The following NRG3 variants were observed in gnomAD, a reference collection of about 807,000 sequenced individuals.
NRG3 encodes neuregulin 3.
A neutral mutation model predicts 66.9 loss-of-function variants in NRG3; 31 were observed. The observed-to-expected ratio is 0.46, with a 90% CI of 0.35 to 0.63. NRG3 has a LOEUF of 0.63. Among genes scored for constraint, NRG3 ranks in the 20% least tolerant of loss-of-function variants. The probability of loss-of-function intolerance (pLI) is 0.00; values close to 1 mark genes in which losing one functional copy is unlikely to be tolerated. For synonymous variants in NRG3, 393 were observed against 359.4 expected (o/e 1.09, Z -1.06); for missense variants, 910 against 878.9 (o/e 1.04, Z -0.45).
intron 3 of NRG3, among the ~76,000 whole-genome samples, chr10:82,759,060 G>A (rs1005927532): frequency 9.9e-5 from 15 of 152,092 alleles, no homozygotes; most frequent in Admixed American, 6.6e-4. Flanking sequence ...CCTAGTGAGA[G>A]ATGTTTGGGC....
At chr10:82,660,195 TCAAAAAAAAAAAAAAAAAAAA>T (rs2052223456) in intron 2 of NRG3, among the ~76,000 whole-genome samples, 1 of 5,704 alleles carries the variant, frequency 1.8e-4, no homozygotes, top group Non-Finnish European at 3.4e-4. Context: ...AAACTCCCTC[TCAAAAAAAAAAAAAAAAAAAA>T]AAAAAAAAAA....
rs147104544 is a variant in NRG3 at position 82,948,995 on chromosome 10, G to GA, written c.1055-2467dup. ...TTCTTGCTTTATTCCTGATCTTAGG[G>GA]AAAAAAACATTCTTTCACAGCTAGA... On this transcript the variant is annotated intron_variant, in intron 4 of 8. Coordinates refer to ENST00000372141, the MANE Select transcript of NRG3 (RefSeq NM_001010848.4). Among the ~76,000 whole-genome samples, 1,133 of 152,062 alleles carry GA rather than the reference G, an allele frequency of 7.5e-3. 19 individuals are homozygous for GA. Among genetic ancestry groups the GA allele is most frequent in the African/African-American group, 0.026 (1,085 of 41,504 alleles).
chr10:82,835,545 T>C (rs2062731123), intron 3 of NRG3, among the ~76,000 whole-genome samples: 1 of 152,034 alleles, frequency 6.6e-6, no homozygotes, highest in African/African-American at 2.4e-5. Context: ...AAGCAATTTG[T>C]CCAGCATCAC....
At chr10:81,883,355 T>C (rs116636089) in intron 1 of NRG3, among the ~76,000 whole-genome samples, 2 of 152,202 alleles carry the variant, frequency 1.3e-5, no homozygotes, top group Non-Finnish European at 1.5e-5. Context: ...TTTGTTGTTA[T>C]AAGCTTTTAT....
At chr10:82,764,276 CTG>C (rs2059431003) in intron 3 of NRG3, among the ~76,000 whole-genome samples, 1 of 152,046 alleles carries the variant, frequency 6.6e-6, no homozygotes, top group Non-Finnish European at 1.5e-5. Flanking sequence ...CTCAAGTGAT[CTG>C]CCCGCTTCAG....
intron 2 of NRG3, among the ~76,000 whole-genome samples, chr10:82,673,393 G>A (rs2053440894): frequency 6.6e-6 from 1 of 152,204 alleles, no homozygotes; most frequent in Non-Finnish European, 1.5e-5. Context: ...GAAATAGGCA[G>A]TAGGAACTTA....
chr10:82,809,873 TA>T (rs149145493), intron 3 of NRG3, among the ~76,000 whole-genome samples: 2,449 of 152,108 alleles, frequency 0.016, 30 homozygotes, highest in Non-Finnish European at 0.025. Flanking sequence ...AAAACTTCAT[TA>T]TTTTTTTTAA....
At chr10:82,871,435 G>A (rs927824189) in intron 4 of NRG3, among the ~76,000 whole-genome samples, 28 of 152,016 alleles carry the variant, frequency 1.8e-4, no homozygotes, top group Admixed American at 7.2e-4. Flanking sequence ...GTTAGAATCA[G>A]TTTATGAAGA....
chr10:82,198,601 A>C (rs1198466017), intron 1 of NRG3, among the ~76,000 whole-genome samples: 2 of 152,294 alleles, frequency 1.3e-5, no homozygotes, highest in East Asian at 3.9e-4. Flanking sequence ...GGTTTAAAAA[A>C]GTGTTGTTTC....
At chr10:82,066,011 T>G (rs1178045268) in intron 1 of NRG3, among the ~76,000 whole-genome samples, 2 of 152,200 alleles carry the variant, frequency 1.3e-5, no homozygotes, top group African/African-American at 2.4e-5. Context: ...TAACCTTTAC[T>G]TTTAAAAATC....
At chr10:82,732,274 T>C (rs1248804840) in intron 2 of NRG3, among the ~76,000 whole-genome samples, 5 of 152,176 alleles carry the variant, frequency 3.3e-5, no homozygotes, top group African/African-American at 1.2e-4. Context: ...CCAATATCTG[T>C]GATATGGTTT....
At chr10:82,211,875 C>T (rs1007244687) in intron 1 of NRG3, among the ~76,000 whole-genome samples, 1 of 152,140 alleles carries the variant, frequency 6.6e-6, no homozygotes, top group Non-Finnish European at 1.5e-5. Context: ...CACCCCTATA[C>T]TAGAAATGCA....
At chr10:82,199,837 C>T (rs1473726771) in intron 1 of NRG3, among the ~76,000 whole-genome samples, 2 of 150,458 alleles carry the variant, frequency 1.3e-5, no homozygotes, top group Non-Finnish European at 3.0e-5. Context: ...TACAGTTTAA[C>T]GTCTGATGCC....
At chr10:81,918,992 C>CACAT (rs1554855049) in intron 1 of NRG3, among the ~76,000 whole-genome samples, 2 of 148,070 alleles carry the variant, frequency 1.4e-5, no homozygotes, top group African/African-American at 2.6e-5. Context: ...CACACACACA[C>CACAT]ACATACATAC....
chr10:82,317,083 C>G (rs1217705373), intron 1 of NRG3, among the ~76,000 whole-genome samples: 1 of 152,236 alleles, frequency 6.6e-6, no homozygotes, highest in African/African-American at 2.4e-5. Context: ...AATATCAGTC[C>G]TATGCTTTCC....
At chr10:82,111,914 T>G (rs544224465) in intron 1 of NRG3, among the ~76,000 whole-genome samples, 2 of 152,232 alleles carry the variant, frequency 1.3e-5, no homozygotes, top group East Asian at 3.9e-4. Context: ...ACTAATCCAA[T>G]AATATGAGGT....
At chr10:82,692,175 C>T in intron 2 of NRG3, among the ~76,000 whole-genome samples, 1 of 151,224 alleles carries the variant, frequency 6.6e-6, no homozygotes, top group East Asian at 1.9e-4. Context: ...ATCGCTTGAA[C>T]CCAGGAGGCA....
intron 1 of NRG3, among the ~76,000 whole-genome samples, chr10:82,055,476 CAA>C (rs35438768): frequency 2.6e-4 from 30 of 115,834 alleles, no homozygotes; most frequent in Middle Eastern, 4.3e-3. Context: ...GACTCCGTCT[CAA>C]AAAAAAAAAA....
intron 3 of NRG3, among the ~76,000 whole-genome samples, chr10:82,739,337 C>T (rs1040274005): frequency 5.9e-5 from 9 of 152,172 alleles, no homozygotes; most frequent in Non-Finnish European, 8.8e-5. Flanking sequence ...ATTCTCTGTT[C>T]TTTCAATAGC....
Sources: gnomAD v4.1 joint callset for allele counts (sites outside exome capture counted in the v4.1 genomes callset) on GRCh38, gnomAD v4.1.1 for gene constraint, MANE v1.5 for transcripts, NCBI Gene and HGNC (gene_info 2026-07-23, HGNC 2026-07-21) for gene names.